Variants in ADGRL2 observed in about 807,000 individuals in gnomAD.
ADGRL2 encodes the protein adhesion G protein-coupled receptor L2, also known as calcium-independent alpha-latrotoxin receptor 2.
ADGRL2 carries 44 observed loss-of-function variants against 157.4 expected under a neutral mutation model. The observed-to-expected ratio is 0.28, with a 90% CI of 0.22 to 0.36. ADGRL2 has a LOEUF of 0.36. ADGRL2 is among the 10% of genes least tolerant of loss of function. The pLI, the probability that ADGRL2 is intolerant of heterozygous loss-of-function variation, is 1.00. For synonymous variants in ADGRL2, 585 were observed against 624.7 expected (o/e 0.94, Z 0.95); for missense variants, 1,510 against 1,768.9 (o/e 0.85, Z 2.63).
At chr1:81,771,892 C>T (rs2066363) in intron 2 of ADGRL2, among the ~76,000 whole-genome samples, 108,812 of 152,188 alleles carry the variant, frequency 0.71, 39,533 homozygotes, top group East Asian at 1. Context: ...ATTCTTTCAT[C>T]CTTTTTTTGC....
chr1:81,748,216 C>T (rs12124218), intron 1 of ADGRL2, among the ~76,000 whole-genome samples: 12,544 of 151,964 alleles, frequency 0.083, 557 homozygotes, highest in South Asian at 0.14. Flanking sequence ...CGGTGGCTCA[C>T]GCCTGTAATC....
intron 1 of ADGRL2, among the ~76,000 whole-genome samples, chr1:81,827,069 A>G (rs1485078090): frequency 6.6e-6 from 1 of 152,196 alleles, no homozygotes; most frequent in Non-Finnish European, 1.5e-5. Context: ...GGATATTTTC[A>G]TTGAGGGGAG....
intron 2 of ADGRL2, among the ~76,000 whole-genome samples, chr1:81,569,866 T>C (rs2080646381): frequency 6.6e-6 from 1 of 152,120 alleles, no homozygotes; most frequent in Non-Finnish European, 1.5e-5. Flanking sequence ...TCAGTAGAAA[T>C]GTCAGCCATC....
chr1:81,582,091 A>G lies in ADGRL2; in HGVS notation c.-143+1111A>G, dbSNP rs2080927108. ...CAAAATTAGCCAGGCGTGGTGGCGCATACCTGTAACCCCAGCTCCTGGGTA... is the reference window on the plus strand; with the variant it reads ...CAAAATTAGCCAGGCGTGGTGGCGCGTACCTGTAACCCCAGCTCCTGGGTA... On this transcript the variant is annotated intron_variant, in intron 3 of 24. Transcript: ENST00000370721. Among the ~76,000 whole-genome samples, 3 of 151,994 alleles carry G rather than the reference A, an allele frequency of 2.0e-5. No homozygotes were observed. The South Asian group carries it at 6.2e-4, about 32-fold the overall frequency.
intron 3 of ADGRL2, among the ~76,000 whole-genome samples, chr1:81,606,236 C>G (rs762129718): frequency 2.6e-5 from 4 of 152,152 alleles, no homozygotes; most frequent in African/African-American, 9.7e-5. Flanking sequence ...GTATTCTTCC[C>G]TATTCCCTTG....
intron 11 of ADGRL2, among the ~76,000 whole-genome samples, chr1:81,962,918 A>G (rs1655910165): frequency 6.6e-6 from 1 of 152,082 alleles, no homozygotes; most frequent in South Asian, 2.1e-4. Flanking sequence ...TGTCTCTTCT[A>G]TATAAATTTT....
chr1:81,827,638 G>A (rs548819740), intron 1 of ADGRL2, among the ~76,000 whole-genome samples: 4 of 152,044 alleles, frequency 2.6e-5, no homozygotes, highest in African/African-American at 4.8e-5. Context: ...CGATCTTGGC[G>A]CACTACACCC....
Position 81,374,370 on chromosome 1 carries a change from G to A in ADGRL2, c.-302+67861G>A, listed in dbSNP as rs190185034. Among the ~76,000 whole-genome samples, 881 of 152,078 alleles carry A rather than the reference G, an allele frequency of 5.8e-3. 11 individuals carry two copies. Among genetic ancestry groups the A allele is most frequent in the African/African-American group, 0.019 (785 of 41,526 alleles). Reference sequence around the variant, plus strand: ...GTGGATCACCTGAGGTCAGGAGTTCGAGACCAGCCTGGCCAACATGGCAAA... The same window carrying A: ...GTGGATCACCTGAGGTCAGGAGTTCAAGACCAGCCTGGCCAACATGGCAAA... On this transcript the variant is annotated intron_variant, in intron 1 of 24. Transcript: ENST00000370721.
At position 81,632,331 on chromosome 1, in the gene ADGRL2, G is replaced by A. The variant is rs79317900; in HGVS notation, c.-143+51351G>A. Among the ~76,000 whole-genome samples, 67 of 152,296 alleles carry A rather than the reference G, an allele frequency of 4.4e-4. 1 individual carries two copies. In the East Asian group the frequency reaches 0.011, roughly 24 times the overall value. ...TGGGATGGCCTTAGTAGGACCTCCT[G>A]TGCAGGAACTATTGGAGCAAGACCA... On this transcript the variant is annotated intron_variant, in intron 3 of 24. Transcript: ENST00000370721.
chr1:81,656,379 A>G (rs2082533872), intron 3 of ADGRL2, among the ~76,000 whole-genome samples: 1 of 152,210 alleles, frequency 6.6e-6, no homozygotes, highest in African/African-American at 2.4e-5. Flanking sequence ...TAGAAGTAGA[A>G]TTCAAACCTA....
At chr1:81,561,614 T>C (rs1451261784) in intron 2 of ADGRL2, among the ~76,000 whole-genome samples, 2 of 151,868 alleles carry the variant, frequency 1.3e-5, no homozygotes, top group African/African-American at 4.8e-5. Context: ...GCACCCGCCA[T>C]CATGCCCGGC....
chr1:81,582,648 C>A (rs988960738), intron 3 of ADGRL2, among the ~76,000 whole-genome samples: 25 of 152,026 alleles, frequency 1.6e-4, no homozygotes, highest in Non-Finnish European at 3.1e-4. Flanking sequence ...GGATATGCTG[C>A]AATTTTAAAG....
At chr1:81,485,949 A>G (rs952651480) in intron 2 of ADGRL2, among the ~76,000 whole-genome samples, 2 of 152,174 alleles carry the variant, frequency 1.3e-5, no homozygotes, top group Non-Finnish European at 1.5e-5. Flanking sequence ...TCTGCCCTAC[A>G]TATAGCACTC....
At chr1:81,840,489 CATT>C (rs2092526990) in intron 2 of ADGRL2, among the ~76,000 whole-genome samples, 1 of 152,060 alleles carries the variant, frequency 6.6e-6, no homozygotes, top group Non-Finnish European at 1.5e-5. Flanking sequence ...TTCAGGCAAA[CATT>C]ATAAATGTCA....
intron 2 of ADGRL2, among the ~76,000 whole-genome samples, chr1:81,452,738 G>T (rs1384877345): frequency 6.6e-6 from 1 of 152,112 alleles, no homozygotes; most frequent in African/African-American, 2.4e-5. Flanking sequence ...CCTAATTCTA[G>T]AACTATTGGA....
intron 3 of ADGRL2, among the ~76,000 whole-genome samples, chr1:81,601,435 G>A (rs2081332175): frequency 6.6e-6 from 1 of 152,098 alleles, no homozygotes; most frequent in Admixed American, 6.6e-5. Flanking sequence ...TTATCAATTT[G>A]GTGTATGTCC....
intron 2 of ADGRL2, among the ~76,000 whole-genome samples, chr1:81,901,113 C>T (rs2094477339): frequency 6.6e-6 from 1 of 152,038 alleles, no homozygotes; most frequent in Admixed American, 6.6e-5. Context: ...GTATAGTTTT[C>T]AACAACAAAA....
At chr1:81,458,344 T>G (rs2077848544) in intron 2 of ADGRL2, among the ~76,000 whole-genome samples, 1 of 152,222 alleles carries the variant, frequency 6.6e-6, no homozygotes, top group Admixed American at 6.5e-5. Context: ...TTATTCATCT[T>G]GCATCACTGA....
intron 3 of ADGRL2, among the ~76,000 whole-genome samples, chr1:81,925,907 T>C (rs2095094197): frequency 6.6e-6 from 1 of 152,082 alleles, no homozygotes; most frequent in Admixed American, 6.6e-5. Flanking sequence ...GGCATAATTT[T>C]CTTCTTTTCA....
Sources: gnomAD v4.1 joint callset for allele counts (sites outside exome capture counted in the v4.1 genomes callset) on GRCh38, gnomAD v4.1.1 for gene constraint, MANE v1.5 for transcripts, NCBI Gene and HGNC (gene_info 2026-07-23, HGNC 2026-07-21) for gene names.